The following GRM3 variants were observed in gnomAD, a reference collection of about 807,000 sequenced individuals.
The protein encoded by GRM3 is glutamate metabotropic receptor 3.
GRM3 carries 26 observed loss-of-function variants against 70.5 expected under a neutral mutation model. That is an observed-to-expected ratio of 0.37 (90% CI 0.27 to 0.51). GRM3 has a LOEUF of 0.51. Ranked by LOEUF, GRM3 falls within the 20% of genes least tolerant of loss-of-function variation. GRM3 has a pLI of 0.93. For missense variants in GRM3, 859 were observed against 1,123.8 expected (o/e 0.76, Z 3.37); for synonymous variants, 443 against 434.9 (o/e 1.02, Z -0.23).
chr7:86,776,447 C>A (rs1047624961), intron 2 of GRM3, among the ~76,000 whole-genome samples: 1 of 152,074 alleles, frequency 6.6e-6, no homozygotes, highest in Admixed American at 6.6e-5. Context: ...CAATGAATAA[C>A]ACAATTCTGT....
In GRM3 at chr7:86,864,640, A is replaced by AAAAC. The variant is rs1562886121; in HGVS notation, c.*288_*289insCAAA. Reference sequence around the variant, plus strand: ...GACATGGTCAGTCTACTAAAAAACAAAAAAAAAAAACAAAAAAAAAAAAAC... The same window carrying AAAAC: ...GACATGGTCAGTCTACTAAAAAACAAAAACAAAAAAAAAACAAAAAAAAAAAAAC... On this transcript the variant is annotated 3_prime_UTR_variant, in exon 6 of 6. Coordinates refer to ENST00000361669, the MANE Select transcript of GRM3 (RefSeq NM_000840.3). 4 of 204,764 alleles carry AAAAC rather than the reference A, an allele frequency of 2.0e-5. No homozygotes were observed. The highest frequency in any genetic ancestry group is 1.0e-4 in the African/African-American group (4 of 39,242). 12.7% of individuals were successfully genotyped at this position (204,764 alleles called of 1,614,324 possible). A position where few individuals can be genotyped will look rare whatever the true frequency, so the allele number is the denominator to read the frequency against.
At chr7:86,709,377 T>A (rs909401924) in intron 1 of GRM3, among the ~76,000 whole-genome samples, 6 of 152,104 alleles carry the variant, frequency 3.9e-5, no homozygotes, top group African/African-American at 1.4e-4. Context: ...AGCCAGCTAA[T>A]CACTCATCTT....
intron 1 of GRM3, among the ~76,000 whole-genome samples, chr7:86,759,855 A>G (rs965278064): frequency 1.3e-5 from 2 of 152,150 alleles, no homozygotes; most frequent in African/African-American, 4.8e-5. Context: ...TTTCTCTAGT[A>G]AAAGAATTAC....
chr7:86,717,707 T>C (rs1426569718), intron 1 of GRM3, among the ~76,000 whole-genome samples: 4 of 151,990 alleles, frequency 2.6e-5, no homozygotes, highest in African/African-American at 2.4e-5. Context: ...TCCGTGTTAC[T>C]TGAAGACGTG....
chr7:86,750,304 C>T (rs1562848135), intron 1 of GRM3, among the ~76,000 whole-genome samples: 1 of 152,070 alleles, frequency 6.6e-6, no homozygotes, highest in African/African-American at 2.4e-5. Context: ...TCTTGCACTA[C>T]AGTTTACTTT....
At chr7:86,811,375 A>C (rs1797905486) in intron 3 of GRM3, among the ~76,000 whole-genome samples, 1 of 151,916 alleles carries the variant, frequency 6.6e-6, no homozygotes, top group East Asian at 1.9e-4. Flanking sequence ...AATAACAACA[A>C]CTAAATCACT....
chr7:86,842,987 C>T (rs1798585509), intron 4 of GRM3, among the ~76,000 whole-genome samples: 1 of 152,048 alleles, frequency 6.6e-6, no homozygotes, highest in African/African-American at 2.4e-5. Flanking sequence ...CAGGAAAGAA[C>T]CAACCAGAAG....
rs140604958 is a variant in GRM3 at position 86,863,015 on chromosome 7, C to T, written c.2567-1267C>T. 7.2e-4 allele frequency among the ~76,000 whole-genome samples: 109 copies of T among 152,212 alleles called. 1 individual carries two copies. The highest frequency in any genetic ancestry group is 2.4e-3 in the African/African-American group (99 of 41,548). ...TGATCTGGGCTGTGATCAAGTACCC[C>T]AGAGGATCAGCTCCTACTGGTCAGA... On this transcript the variant is annotated intron_variant, in intron 5 of 5. Transcript: ENST00000361669.
chr7:86,856,782 C>T (rs1798857997), intron 5 of GRM3, among the ~76,000 whole-genome samples: 1 of 152,142 alleles, frequency 6.6e-6, no homozygotes, highest in African/African-American at 2.4e-5. Context: ...GTTTGTCTCA[C>T]AACTGCTTTT....
At chr7:86,668,040 G>C (rs1200910061) in intron 1 of GRM3, among the ~76,000 whole-genome samples, 1 of 152,050 alleles carries the variant, frequency 6.6e-6, no homozygotes, top group African/African-American at 2.4e-5. Context: ...GACCCCGTTT[G>C]GTGGGAAACT....
chr7:86,695,127 T>C (rs1419877144), intron 1 of GRM3, among the ~76,000 whole-genome samples: 1 of 152,206 alleles, frequency 6.6e-6, no homozygotes, highest in African/African-American at 2.4e-5. Flanking sequence ...TCCTGATTTA[T>C]TTATCCCTTT....
intron 1 of GRM3, among the ~76,000 whole-genome samples, chr7:86,713,340 G>A (rs1360945582): frequency 1.3e-5 from 2 of 151,938 alleles, no homozygotes; most frequent in South Asian, 4.1e-4. Context: ...TTTTGCTGCT[G>A]AGTTATTTGA....
chr7:86,772,159 A>G (rs1796760600), intron 2 of GRM3, among the ~76,000 whole-genome samples: 1 of 152,090 alleles, frequency 6.6e-6, no homozygotes, highest in Non-Finnish European at 1.5e-5. Context: ...TGATACCTAG[A>G]ATAGTGTCTC....
intron 1 of GRM3, among the ~76,000 whole-genome samples, chr7:86,700,491 T>C (rs1003515526): frequency 6.6e-6 from 1 of 151,970 alleles, no homozygotes; most frequent in African/African-American, 2.4e-5. Flanking sequence ...CTACTAACCA[T>C]GACTTTCATT....
intron 1 of GRM3, among the ~76,000 whole-genome samples, chr7:86,706,987 G>A (rs1795074401): frequency 6.6e-6 from 1 of 151,898 alleles, no homozygotes; most frequent in Non-Finnish European, 1.5e-5. Flanking sequence ...ACATATCTCT[G>A]CTGCTTTTTA....
At chr7:86,764,164 A>T (rs936844820) in intron 1 of GRM3, among the ~76,000 whole-genome samples, 1 of 152,094 alleles carries the variant, frequency 6.6e-6, no homozygotes, top group Non-Finnish European at 1.5e-5. Context: ...TGACCTAAGA[A>T]GTATGGAGCT....
intron 3 of GRM3, among the ~76,000 whole-genome samples, chr7:86,808,405 C>A (rs974886233): frequency 1.3e-5 from 2 of 151,838 alleles, no homozygotes; most frequent in Non-Finnish European, 1.5e-5. Context: ...ATATTGCAGA[C>A]CTTTTTACAT....
chr7:86,670,971 C>A (rs947750717), intron 1 of GRM3, among the ~76,000 whole-genome samples: 3 of 152,166 alleles, frequency 2.0e-5, no homozygotes, highest in Non-Finnish European at 4.4e-5. Flanking sequence ...CCTACTTGTC[C>A]TTGAAGGTTT....
At chr7:86,862,040 A>G (rs1798971023) in intron 5 of GRM3, among the ~76,000 whole-genome samples, 1 of 152,222 alleles carries the variant, frequency 6.6e-6, no homozygotes, top group Non-Finnish European at 1.5e-5. Flanking sequence ...GTCGAAACAA[A>G]AAGGAATGAA....
Sources: gnomAD v4.1 joint callset for allele counts (sites outside exome capture counted in the v4.1 genomes callset) on GRCh38, gnomAD v4.1.1 for gene constraint, MANE v1.5 for transcripts, NCBI Gene and HGNC (gene_info 2026-07-23, HGNC 2026-07-21) for gene names.